KCNH7: variants seen among roughly 807,000 people sequenced by gnomAD.
KCNH7 encodes the protein voltage-gated inwardly rectifying potassium channel KCNH7.
A neutral mutation model predicts 120.8 loss-of-function variants in KCNH7; 49 were observed. The ratio of observed to expected loss-of-function variants is 0.41; its 90% CI spans 0.32 to 0.51. KCNH7 has a LOEUF of 0.51. KCNH7 is among the 20% of genes least tolerant of loss of function. The pLI is 0.38. For synonymous variants in KCNH7, 547 were observed against 516.1 expected, an observed-to-expected ratio of 1.06 and a Z score of -0.81; for missense variants, 1,097 against 1,446.6, an observed-to-expected ratio of 0.76 and a Z score of 3.92.
intron 2 of KCNH7, among the ~76,000 whole-genome samples, chr2:162,737,526 GA>G (rs1380908192): frequency 6.6e-6 from 1 of 151,974 alleles, no homozygotes; most frequent in Non-Finnish European, 1.5e-5. Flanking sequence ...TATATATATT[GA>G]AATAAATAAG....
At chr2:162,692,544 C>T (rs571086854) in intron 2 of KCNH7, among the ~76,000 whole-genome samples, 8 of 151,982 alleles carry the variant, frequency 5.3e-5, no homozygotes, top group Admixed American at 2.0e-4. Context: ...TGTGTGACAG[C>T]GAGAAACAGA....
At chr2:162,622,782 A>G (rs1215262746) in intron 2 of KCNH7, among the ~76,000 whole-genome samples, 3 of 152,170 alleles carry the variant, frequency 2.0e-5, no homozygotes, top group Non-Finnish European at 4.4e-5. Context: ...AAATGTCCGA[A>G]GAATAAAAAA....
chr2:162,467,573 T>A (rs924225432), intron 6 of KCNH7, among the ~76,000 whole-genome samples: 1 of 152,186 alleles, frequency 6.6e-6, no homozygotes, highest in Non-Finnish European at 1.5e-5. Context: ...TAGAAGCAGG[T>A]GCTGGCACCA....
chr2:162,626,333 G>C (rs79270932), intron 2 of KCNH7, among the ~76,000 whole-genome samples: 2 of 152,064 alleles, frequency 1.3e-5, no homozygotes. Flanking sequence ...ACCATTTTAA[G>C]TCATGTTGAA....
Position 162,537,638 on chromosome 2 carries a change from G to C in KCNH7, c.308-558C>G, listed in dbSNP as rs114953539. Among the ~76,000 whole-genome samples, 384 of 152,036 alleles carry C rather than the reference G, an allele frequency of 2.5e-3. 4 individuals carry two copies. The highest frequency in any genetic ancestry group is 8.9e-3 in the African/African-American group (369 of 41,528). ...ACAACGTCCAAATTACAATGGTTTT[G>C]TTTGGTTTTTATTCTGTTAGAAAAT... is the stretch of plus-strand genomic sequence containing the variant. On this transcript the variant is annotated intron_variant, in intron 2 of 15. Coordinates refer to ENST00000332142, the MANE Select transcript of KCNH7 (RefSeq NM_033272.4).
In KCNH7 at chr2:162,397,031, A is replaced by G. The variant is rs926893541; in HGVS notation, c.2408-86T>C. 17 of 855,514 alleles carry G rather than the reference A, an allele frequency of 2.0e-5. No homozygotes were observed. In the East Asian group the frequency reaches 4.5e-4, roughly 23 times the overall value. The allele number at this position is 855,514 out of a possible 1,614,324, so 53.0% of individuals were successfully genotyped here. A position where few individuals can be genotyped will look rare whatever the true frequency, so the allele number is the denominator to read the frequency against. On this transcript the variant is annotated intron_variant, in intron 10 of 15. Coordinates refer to ENST00000332142, the MANE Select transcript of KCNH7 (RefSeq NM_033272.4). ...TAAAAGTAGAAGGGGGTCATTAAAC[A>G]ATTGATCAATCCCTGAACCAGACTT...
chr2:162,689,682 T>C (rs1686032870), intron 2 of KCNH7, among the ~76,000 whole-genome samples: 1 of 152,272 alleles, frequency 6.6e-6, no homozygotes, highest in Non-Finnish European at 1.5e-5. Flanking sequence ...ATAATCAAAT[T>C]AAACATTCTT....
intron 2 of KCNH7, chr2:162,797,104 C>T (rs1684173953): frequency 6.6e-6 from 1 of 151,964 alleles, no homozygotes; most frequent in African/African-American, 2.4e-5. Flanking sequence ...TTGGTAAATC[C>T]TCATCTACTG....
chr2:162,494,770 T>C (rs1282079927), intron 6 of KCNH7, among the ~76,000 whole-genome samples: 1 of 152,052 alleles, frequency 6.6e-6, no homozygotes, highest in Non-Finnish European at 1.5e-5. Flanking sequence ...GAAACACAAG[T>C]TTCTGATATC....
chr2:162,721,604 C>T (rs1274934286), intron 2 of KCNH7, among the ~76,000 whole-genome samples: 1 of 152,026 alleles, frequency 6.6e-6, no homozygotes, highest in Non-Finnish European at 1.5e-5. Flanking sequence ...CTTGGATTAA[C>T]CATTTGGTTG....
chr2:162,589,837 T>C (rs1694147625), intron 2 of KCNH7, among the ~76,000 whole-genome samples: 1 of 152,180 alleles, frequency 6.6e-6, no homozygotes, highest in Admixed American at 6.5e-5. Context: ...TTGAAAGTAC[T>C]ATGTCTGCTA....
chr2:162,487,079 T>C (rs965056031), intron 6 of KCNH7, among the ~76,000 whole-genome samples: 5 of 152,186 alleles, frequency 3.3e-5, no homozygotes, highest in Admixed American at 1.3e-4. Flanking sequence ...TCATTCAATA[T>C]GACAGTAGCT....
intron 2 of KCNH7, among the ~76,000 whole-genome samples, chr2:162,641,321 A>G (rs1559059115): frequency 6.6e-6 from 1 of 152,190 alleles, no homozygotes. Flanking sequence ...ATACTACTCA[A>G]CAATAAAATG....
intron 2 of KCNH7, among the ~76,000 whole-genome samples, chr2:162,737,004 T>C (rs968488895): frequency 6.6e-6 from 1 of 152,112 alleles, no homozygotes; most frequent in Non-Finnish European, 1.5e-5. Context: ...GTAAGGACTA[T>C]GGTTCTGGAA....
At chr2:162,569,409 T>G (rs974050415) in intron 2 of KCNH7, among the ~76,000 whole-genome samples, 43 of 149,240 alleles carry the variant, frequency 2.9e-4, no homozygotes, top group African/African-American at 9.9e-4. Flanking sequence ...GTCTATTTGA[T>G]TCTTCTCTCT....
intron 2 of KCNH7, among the ~76,000 whole-genome samples, chr2:162,794,438 C>T (rs1324494994): frequency 6.6e-6 from 1 of 152,068 alleles, no homozygotes; most frequent in African/African-American, 2.4e-5. Context: ...AAGAACTCAA[C>T]TCAGTCCTGG....
intron 2 of KCNH7, among the ~76,000 whole-genome samples, chr2:162,575,904 A>G (rs1693653848): frequency 6.6e-6 from 1 of 152,092 alleles, no homozygotes; most frequent in Non-Finnish European, 1.5e-5. Flanking sequence ...AAATTAAACC[A>G]AACAGTTTAT....
At chr2:162,582,188 T>G (rs2105918461) in intron 2 of KCNH7, among the ~76,000 whole-genome samples, 1 of 152,212 alleles carries the variant, frequency 6.6e-6, no homozygotes, top group South Asian at 2.1e-4. Context: ...CCATTTGGAC[T>G]TAGCTGTCCA....
intron 2 of KCNH7, among the ~76,000 whole-genome samples, chr2:162,554,325 C>T (rs1324059319): frequency 4.6e-5 from 7 of 152,090 alleles, no homozygotes; most frequent in African/African-American, 1.7e-4. Flanking sequence ...AAAGCTGTAT[C>T]ATTCTGGAAA....
Sources: gnomAD v4.1 joint callset for allele counts (sites outside exome capture counted in the v4.1 genomes callset) on GRCh38, gnomAD v4.1.1 for gene constraint, MANE v1.5 for transcripts, NCBI Gene and HGNC (gene_info 2026-07-23, HGNC 2026-07-21) for gene names.